Variants in STPG2 observed in about 807,000 individuals in gnomAD.
The protein encoded by STPG2 is sperm-tail PG-rich repeat-containing protein 2.
STPG2 carries 56 observed loss-of-function variants against 54.2 expected under a neutral mutation model. The ratio of observed to expected loss-of-function variants is 1.03; its 90% confidence interval spans 0.83 to 1.29. The LOEUF is 1.29. Among genes scored for constraint, STPG2 ranks in the 50% most tolerant of loss-of-function variants. STPG2 has a pLI of 0.00. For missense variants in STPG2, 596 were observed against 544.9 expected, an observed-to-expected ratio of 1.09 and a Z score of -0.93; for synonymous variants, 200 against 181.8, an observed-to-expected ratio of 1.10 and a Z score of -0.81.
intron 1 of STPG2, among the ~76,000 whole-genome samples, chr4:98,137,709 G>T (rs1740173052): frequency 6.6e-6 from 1 of 151,376 alleles, no homozygotes; most frequent in South Asian, 2.1e-4. Flanking sequence ...AAAATTAGTT[G>T]CAGAGTACTG....
chr4:97,679,131 G>A (rs1722946519), intron 10 of STPG2, among the ~76,000 whole-genome samples: 1 of 152,106 alleles, frequency 6.6e-6, no homozygotes, highest in East Asian at 1.9e-4. Context: ...AGTCCTTTGG[G>A]TATATACCCA....
intron 7 of STPG2, among the ~76,000 whole-genome samples, chr4:97,947,877 T>G (rs1733299678): frequency 2.0e-5 from 3 of 152,098 alleles, no homozygotes; most frequent in Non-Finnish European, 4.4e-5. Context: ...TTTTTTGTTA[T>G]GTTCTTTCCT....
chr4:97,532,497 T>A (rs1731436635), intron 4 of STPG2, among the ~76,000 whole-genome samples: 1 of 151,990 alleles, frequency 6.6e-6, no homozygotes, highest in Non-Finnish European at 1.5e-5. Context: ...CACAAGAAAA[T>A]GAAATGAATT....
Position 97,629,203 on chromosome 4 carries a change from A to G in STPG2, c.1321-70086T>C, listed in dbSNP as rs180831357. Among the ~76,000 whole-genome samples, 3 of 152,152 alleles carry G rather than the reference A, an allele frequency of 2.0e-5. No individual in the cohort carries two copies. The East Asian group carries it at 5.8e-4, about 29-fold the overall frequency. On this transcript the variant is annotated intron_variant, in intron 10 of 10. Transcript: ENST00000295268. ...TAGACCTTGAAAAGCCATCAATATCATATGTTGTTGAAAGAGCCAAATAAT... is the reference window on the plus strand; with the variant it reads ...TAGACCTTGAAAAGCCATCAATATCGTATGTTGTTGAAAGAGCCAAATAAT...
At chr4:97,481,989 A>G (rs1333239518) in intron 4 of STPG2, among the ~76,000 whole-genome samples, 4 of 151,594 alleles carry the variant, frequency 2.6e-5, no homozygotes, top group African/African-American at 9.7e-5. Flanking sequence ...CGTATAAATC[A>G]TTTATTAGCT....
At chr4:97,660,237 G>A (rs963243656) in intron 10 of STPG2, among the ~76,000 whole-genome samples, 1 of 152,106 alleles carries the variant, frequency 6.6e-6, no homozygotes, top group East Asian at 1.9e-4. Context: ...TCCTCACCTC[G>A]CAATCCGCCC....
chr4:97,925,368 G>A (rs947352622), intron 8 of STPG2, among the ~76,000 whole-genome samples: 2 of 152,156 alleles, frequency 1.3e-5, no homozygotes, highest in Admixed American at 1.3e-4. Flanking sequence ...CTGAGCTAAT[G>A]AAGTTAGACA....
chr4:97,693,972 T>C (rs1360289850), intron 10 of STPG2, among the ~76,000 whole-genome samples: 1 of 152,076 alleles, frequency 6.6e-6, no homozygotes, highest in African/African-American at 2.4e-5. Context: ...TGAATGATAA[T>C]AGTGACACAA....
At chr4:98,041,351 T>G (rs1234533198) in intron 5 of STPG2, among the ~76,000 whole-genome samples, 2 of 151,982 alleles carry the variant, frequency 1.3e-5, no homozygotes, top group Non-Finnish European at 2.9e-5. Flanking sequence ...TGGCTAGAAC[T>G]TTCCATACTA....
rs1430126187 is a variant in STPG2, at chr4:97,916,127, G to A, written c.1044+27770C>T. On this transcript the variant is annotated intron_variant, in intron 8 of 10. Coordinates refer to ENST00000295268, the MANE Select transcript of STPG2 (RefSeq NM_174952.3). ...TGTTTTCCTAGTGTAATTACAAATG[G>A]CACCCTTTTACTCTCCAAAAGGTCC... 2.6e-5 allele frequency among the ~76,000 whole-genome samples: 4 copies of A among 152,052 alleles called. No homozygotes were observed. The East Asian group carries it at 7.7e-4, about 29-fold the overall frequency.
intron 4 of STPG2, among the ~76,000 whole-genome samples, chr4:97,497,000 T>A (rs1347808355): frequency 2.7e-4 from 40 of 149,676 alleles, no homozygotes; most frequent in African/African-American, 9.0e-4. Context: ...TTTTTTTTTT[T>A]TAAAAAAAGC....
At position 98,072,648 on chromosome 4, in the gene STPG2, C is replaced by T. The variant is rs1374945381; in HGVS notation, c.612+33305G>A. On this transcript the variant is annotated intron_variant, in intron 5 of 10. Coordinates refer to ENST00000295268, the MANE Select transcript of STPG2 (RefSeq NM_174952.3). The stretch of plus-strand genomic sequence containing the variant: ...CAAGAGTCCACTAATTTCAGTAATT[C>T]TCTCCTATAATGCATCCCCAACTGT... Among the ~76,000 whole-genome samples the T allele has an allele frequency of 2.0e-5, 3 of 151,812 alleles. No homozygotes were observed. In the East Asian group the frequency reaches 5.8e-4, roughly 29 times the overall value.
chr4:97,807,793 G>A (rs1727616933), intron 9 of STPG2, among the ~76,000 whole-genome samples: 1 of 151,892 alleles, frequency 6.6e-6, no homozygotes, highest in Non-Finnish European at 1.5e-5. Flanking sequence ...TCAAGAAGCA[G>A]TATGTAAATC....
intron 9 of STPG2, among the ~76,000 whole-genome samples, chr4:97,777,113 A>G (rs1474942764): frequency 6.6e-6 from 1 of 152,194 alleles, no homozygotes; most frequent in Non-Finnish European, 1.5e-5. Context: ...TCAGTAAATA[A>G]TATTTACAGG....
chr4:97,471,326 A>C (rs1197753497), intron 4 of STPG2, among the ~76,000 whole-genome samples: 2 of 152,176 alleles, frequency 1.3e-5, no homozygotes, highest in African/African-American at 4.8e-5. Flanking sequence ...GTCATGTACA[A>C]TATATTGATT....
intron 5 of STPG2, among the ~76,000 whole-genome samples, chr4:97,996,245 C>G (rs1290666479): frequency 6.6e-6 from 1 of 152,160 alleles, no homozygotes; most frequent in African/African-American, 2.4e-5. Flanking sequence ...GAAGCAGACA[C>G]ATAGACCAAT....
At chr4:97,873,018 G>A (rs1272579545) in intron 8 of STPG2, among the ~76,000 whole-genome samples, 1 of 151,288 alleles carries the variant, frequency 6.6e-6, no homozygotes, top group Non-Finnish European at 1.5e-5. Flanking sequence ...AACTAGGTAT[G>A]TTCATTGCTA....
At chr4:97,913,888 AATAAT>A (rs993222367) in intron 8 of STPG2, among the ~76,000 whole-genome samples, 128 of 152,296 alleles carry the variant, frequency 8.4e-4, no homozygotes, top group African/African-American at 2.9e-3. Flanking sequence ...TAACATTTAC[AATAAT>A]ATAATTTTTA....
Position 98,134,399 on chromosome 4 carries a change from C to G in STPG2, c.170G>C (p.Ser57Thr). Residue 57 changes from serine (S) to threonine (T), a missense_variant, in exon 2 of 11, where the codon AGC (serine) becomes ACC (threonine). Coordinates refer to ENST00000295268, the MANE Select transcript of STPG2 (RefSeq NM_174952.3). ...TGGACCTGGAACAGCTTTCTCAATG[C>G]TAGAGGCAATGGTAAAAGTACTTTC... The part of the protein sequence containing the change: ...ARESTFTIAS[S>T]IEKAVPGPGH... 6.3e-7 allele frequency: 1 copy of G among 1,588,172 alleles called. No homozygotes were observed. The highest frequency in any genetic ancestry group is 8.6e-7 in the Non-Finnish European group (1 of 1,164,932).
Sources: allele counts gnomAD v4.1 joint callset (sites outside exome capture counted in the v4.1 genomes callset), GRCh38; gene constraint gnomAD v4.1.1; transcripts MANE v1.5; gene names NCBI Gene and HGNC (gene_info 2026-07-23, HGNC 2026-07-21).